UIMC1: variants seen among roughly 807,000 people sequenced by gnomAD.
UIMC1 encodes the protein BRCA1-A complex subunit RAP80.
Under a neutral mutation model 84.9 loss-of-function variants are expected in UIMC1, and 42 were observed. The observed-to-expected ratio is 0.49, with a 90% confidence interval of 0.39 to 0.64. The LOEUF (loss-of-function observed/expected upper bound fraction) is 0.64. Among genes scored for constraint, UIMC1 ranks in the 30% least tolerant of loss-of-function variants. The probability of loss-of-function intolerance (pLI) is 0.00; values close to 1 mark genes in which losing one functional copy is unlikely to be tolerated. For synonymous variants in UIMC1, 281 were observed against 293.0 expected, an observed-to-expected ratio of 0.96 and a Z score of 0.42; for missense variants, 825 against 847.6, an observed-to-expected ratio of 0.97 and a Z score of 0.33.
rs182449614 is a variant in UIMC1, at chr5:176,924,326, A to T, written c.1598-12937T>A. On this transcript the variant is annotated intron_variant, in intron 10 of 14. Transcript: ENST00000511320. The stretch of plus-strand genomic sequence containing the variant: ...AGAGTGAGAATTCGTCTCAAAAAAA[A>T]AAAAATAATAAAAATAATATCTACC... Among the ~76,000 whole-genome samples the T allele has an allele frequency of 7.5e-4, 114 of 152,136 alleles. 2 individuals are homozygous for T. The East Asian group carries it at 9.6e-3, about 13-fold the overall frequency.
At chr5:176,932,211 G>A (rs1032527029) in intron 10 of UIMC1, among the ~76,000 whole-genome samples, 6 of 152,140 alleles carry the variant, frequency 3.9e-5, no homozygotes, top group Admixed American at 2.6e-4. Context: ...GGGTGAAGCC[G>A]ACTAAAGAAG....
intron 8 of UIMC1, among the ~76,000 whole-genome samples, chr5:176,954,217 C>T (rs1766277916): frequency 6.6e-6 from 1 of 152,124 alleles, no homozygotes; most frequent in Non-Finnish European, 1.5e-5. Context: ...CCTGCAAGAT[C>T]CCATGGTGAT....
chr5:177,012,396 G>C (rs970255944), intron 1 of UIMC1, among the ~76,000 whole-genome samples: 1 of 152,092 alleles, frequency 6.6e-6, no homozygotes, highest in African/African-American at 2.4e-5. Context: ...GAGTCTTACT[G>C]ACTTCGAAAC....
chr5:176,907,473 A>G (rs1759544394), intron 12 of UIMC1, among the ~76,000 whole-genome samples: 1 of 152,258 alleles, frequency 6.6e-6, no homozygotes, highest in Non-Finnish European at 1.5e-5. Context: ...GTGCTTACCT[A>G]TAAACCATAA....
At chr5:176,954,026 T>C (rs901706747) in intron 8 of UIMC1, among the ~76,000 whole-genome samples, 6 of 152,232 alleles carry the variant, frequency 3.9e-5, no homozygotes, top group African/African-American at 1.4e-4. Flanking sequence ...GGAACATTAA[T>C]GTAATGAATA....
At chr5:176,929,015 A>G (rs1343593869) in intron 10 of UIMC1, among the ~76,000 whole-genome samples, 1 of 152,064 alleles carries the variant, frequency 6.6e-6, no homozygotes, top group African/African-American at 2.4e-5. Flanking sequence ...GCACTTTCGG[A>G]GGCCAAGGCG....
At chr5:176,958,803 CA>C (rs1203020958) in intron 6 of UIMC1, among the ~76,000 whole-genome samples, 2 of 152,162 alleles carry the variant, frequency 1.3e-5, no homozygotes, top group African/African-American at 4.8e-5. Context: ...TTCATTGATT[CA>C]AAAATTATTT....
At chr5:176,923,888 TACACACACACAGACACACACACAC>T (rs1762039223) in intron 10 of UIMC1, among the ~76,000 whole-genome samples, 1 of 136,766 alleles carries the variant, frequency 7.3e-6, no homozygotes, top group South Asian at 2.2e-4. Flanking sequence ...TATATATATA[TACACACACACAGACACACACACAC>T]ACACACACAC....
chr5:176,935,877 T>G (rs1188872845), intron 10 of UIMC1, among the ~76,000 whole-genome samples: 2 of 152,092 alleles, frequency 1.3e-5, no homozygotes, highest in Admixed American at 6.6e-5. Context: ...TACCCACCCA[T>G]CCACCATTAT....
intron 10 of UIMC1, among the ~76,000 whole-genome samples, chr5:176,917,523 G>GATT (rs1335079182): frequency 6.6e-6 from 1 of 152,174 alleles, no homozygotes; most frequent in East Asian, 1.9e-4. Flanking sequence ...AGTGAGCCAA[G>GATT]ATTACACCAC....
chr5:176,943,602 C>T, intron 9 of UIMC1, 114 bp from the exon 10 acceptor site: 2 of 1,307,290 alleles, frequency 1.5e-6, no homozygotes, highest in Non-Finnish European at 2.1e-6. Context: ...ACAACAACAG[C>T]TTATCAAATT....
At chr5:176,936,869 C>G (rs1315432414) in intron 10 of UIMC1, among the ~76,000 whole-genome samples, 1 of 152,146 alleles carries the variant, frequency 6.6e-6, no homozygotes, top group Non-Finnish European at 1.5e-5. Flanking sequence ...TTCCCCTCTC[C>G]CTCTGCTTTA....
intron 3 of UIMC1, among the ~76,000 whole-genome samples, chr5:176,972,933 T>G (rs1390845072): frequency 1.5e-5 from 2 of 131,696 alleles, no homozygotes; most frequent in African/African-American, 3.1e-5. Flanking sequence ...TTTTTTTTTT[T>G]GAAATGGCGT....
At chr5:176,915,793 C>CAAA (rs58297107) in intron 10 of UIMC1, among the ~76,000 whole-genome samples, 103 of 42,600 alleles carry the variant, frequency 2.4e-3, no homozygotes, top group Non-Finnish European at 2.8e-3. Context: ...GGTCACAAAG[C>CAAA]AAAAAAAAAA....
At chr5:176,917,711 G>A (rs956123518) in intron 10 of UIMC1, among the ~76,000 whole-genome samples, 1 of 152,240 alleles carries the variant, frequency 6.6e-6, no homozygotes, top group Admixed American at 6.5e-5. Context: ...TATAATCCCA[G>A]CGCTTCGGGA....
chr5:176,947,793 G>GC (rs1218295036), intron 9 of UIMC1, among the ~76,000 whole-genome samples: 4 of 151,416 alleles, frequency 2.6e-5, no homozygotes, highest in South Asian at 4.2e-4. Context: ...TCCAGCCTAG[G>GC]CAACAGGGTG....
chr5:176,947,613 T>TG (rs1188503626), intron 9 of UIMC1, among the ~76,000 whole-genome samples: 3 of 151,970 alleles, frequency 2.0e-5, no homozygotes, highest in Non-Finnish European at 2.9e-5. Context: ...GGTCAGGAGA[T>TG]GGAGACCATC....
Position 176,951,514 on chromosome 5 carries a change from T to C in UIMC1, c.1403A>G (p.Asp468Gly). ...TATTATTCTGACTCCATCCAAGATA[T>C]CTCTGCTACCTGGAGAGACTTCTCT... ...LEREVSPGSR[D>G]ILDGVRIIMA... The change falls in exon 9 of 15, where the codon GAT (aspartate) becomes GGT (glycine). Residue 468 changes from aspartate (D) to glycine (G), a missense_variant. By Grantham distance (94) the Asp-to-Gly change is moderately conservative. Transcript: ENST00000511320. 6.3e-7 allele frequency: 1 copy of C among 1,584,238 alleles called. No individual in the cohort carries two copies. Among genetic ancestry groups the C allele is most frequent in the South Asian group, 1.2e-5 (1 of 84,146 alleles).
Position 176,990,106 on chromosome 5 carries a change from G to A in UIMC1, c.-8-7483C>T, listed in dbSNP as rs181733308. Among the ~76,000 whole-genome samples the A allele has an allele frequency of 9.1e-3, 1,388 of 151,918 alleles. 8 individuals are homozygous for A. The highest frequency in any genetic ancestry group is 0.025 in the South Asian group (120 of 4,798). On this transcript the variant is annotated intron_variant, in intron 1 of 14. Coordinates refer to ENST00000511320, the MANE Select transcript of UIMC1 (RefSeq NM_001199298.2). ...TGAGGCAGGAGAATGGCGTGAACCC[G>A]GGAGGTGGAGCTTGCAGTGAGCCGA...
Sources: allele counts gnomAD v4.1 joint callset (sites outside exome capture counted in the v4.1 genomes callset), GRCh38; gene constraint gnomAD v4.1.1; transcripts MANE v1.5; gene names NCBI Gene and HGNC (gene_info 2026-07-23, HGNC 2026-07-21).